Variants in RARB observed in about 807,000 individuals in gnomAD.
RARB encodes the protein HBV-activated protein.
RARB carries 17 observed loss-of-function variants against 51.9 expected under a neutral mutation model. The ratio of observed to expected loss-of-function variants is 0.33; its 90% confidence interval spans 0.22 to 0.49. The LOEUF is 0.49. Ranked by LOEUF, RARB falls within the 20% of genes least tolerant of loss-of-function variation. RARB has a pLI of 0.99. For missense variants in RARB, 369 were observed against 550.8 expected (o/e 0.67, Z 3.30); for synonymous variants, 215 against 195.4 (o/e 1.10, Z -0.84).
intron 5 of RARB, among the ~76,000 whole-genome samples, chr3:25,190,157 C>A (rs1701065478): frequency 6.6e-6 from 1 of 151,456 alleles, no homozygotes; most frequent in Non-Finnish European, 1.5e-5. Context: ...ATCATAGTAT[C>A]TAGAACTTTC....
intron 3 of RARB, among the ~76,000 whole-genome samples, chr3:25,114,417 T>C (rs1699652716): frequency 6.7e-6 from 1 of 148,834 alleles, no homozygotes; most frequent in Admixed American, 6.7e-5. Flanking sequence ...GCTCTGAAAG[T>C]ATCCTTGAGT....
chr3:25,409,940 CT>C (rs1476584748), intron 5 of RARB, among the ~76,000 whole-genome samples: 1 of 152,164 alleles, frequency 6.6e-6, no homozygotes, highest in Non-Finnish European at 1.5e-5. Context: ...AAGTTTTGTC[CT>C]AGACAAATCC....
chr3:24,923,139 T>G (rs1695253061), intron 2 of RARB, among the ~76,000 whole-genome samples: 1 of 152,176 alleles, frequency 6.6e-6, no homozygotes, highest in African/African-American at 2.4e-5. Context: ...TTTAGCACAT[T>G]ATTTTTCCAG....
At chr3:25,513,434 C>T (rs191516892) in intron 3 of RARB, among the ~76,000 whole-genome samples, 33 of 152,248 alleles carry the variant, frequency 2.2e-4, no homozygotes, top group Admixed American at 2.1e-3. Flanking sequence ...GATTTGAACA[C>T]GTGAACTTAA....
chr3:25,541,896 T>G (rs1007286196), intron 3 of RARB, among the ~76,000 whole-genome samples: 5 of 152,216 alleles, frequency 3.3e-5, no homozygotes, highest in African/African-American at 1.2e-4. Context: ...AACTCTGCTA[T>G]TCGTTTCGTG....
At chr3:24,879,384 G>C (rs780710434) in intron 2 of RARB, among the ~76,000 whole-genome samples, 2 of 150,720 alleles carry the variant, frequency 1.3e-5, no homozygotes, top group African/African-American at 4.9e-5. Flanking sequence ...AGGCGAGATC[G>C]CATCACTGCA....
intron 3 of RARB, among the ~76,000 whole-genome samples, chr3:25,553,052 A>G (rs542205416): frequency 1.3e-5 from 2 of 152,362 alleles, no homozygotes; most frequent in Admixed American, 6.5e-5. Flanking sequence ...CGGGCAAACT[A>G]TAATTCACTT....
At chr3:25,306,279 G>C (rs1347441079) in intron 5 of RARB, among the ~76,000 whole-genome samples, 1 of 152,174 alleles carries the variant, frequency 6.6e-6, no homozygotes. Context: ...GGATATAGGA[G>C]TTATTGGGTA....
chr3:25,505,279 A>C (rs1333705214), intron 3 of RARB, among the ~76,000 whole-genome samples: 2 of 152,176 alleles, frequency 1.3e-5, no homozygotes, highest in Non-Finnish European at 2.9e-5. Context: ...TTTGATGAGA[A>C]AGTCTATATT....
At chr3:24,847,342 A>G (rs1702497580) in intron 1 of RARB, among the ~76,000 whole-genome samples, 1 of 152,184 alleles carries the variant, frequency 6.6e-6, no homozygotes, top group Non-Finnish European at 1.5e-5. Context: ...CTCAGTTTCA[A>G]AATGCACTCC....
At chr3:25,242,149 A>G (rs1022072862) in intron 5 of RARB, among the ~76,000 whole-genome samples, 9 of 151,602 alleles carry the variant, frequency 5.9e-5, no homozygotes, top group African/African-American at 2.2e-4. Context: ...CCACTTTTCA[A>G]TGAGGTTTTT....
chr3:25,091,245 C>T (rs1003998562), intron 3 of RARB, among the ~76,000 whole-genome samples: 7 of 152,138 alleles, frequency 4.6e-5, no homozygotes, highest in Admixed American at 4.6e-4. Flanking sequence ...ATTGAATGTG[C>T]ACTGTGCTGT....
intron 3 of RARB, among the ~76,000 whole-genome samples, chr3:25,525,463 G>A (rs1044190230): frequency 2.0e-5 from 3 of 151,842 alleles, no homozygotes; most frequent in African/African-American, 7.3e-5. Flanking sequence ...TGTCTTCATA[G>A]ACCCCCCTCA....
At chr3:25,170,014 A>G (rs1484362259) in intron 4 of RARB, among the ~76,000 whole-genome samples, 3 of 100,764 alleles carry the variant, frequency 3.0e-5, no homozygotes, top group Admixed American at 1.7e-4. Context: ...AAAAAGAAAG[A>G]AAAAAAAAAA....
intron 5 of RARB, among the ~76,000 whole-genome samples, chr3:25,388,951 C>T (rs115173920): frequency 6.6e-6 from 1 of 152,128 alleles, no homozygotes; most frequent in African/African-American, 2.4e-5. Context: ...TGCCACTGAT[C>T]TGTTTCATTG....
At chr3:25,456,698 G>T (rs1341183958) in intron 1 of RARB, among the ~76,000 whole-genome samples, 20 of 146,974 alleles carry the variant, frequency 1.4e-4, no homozygotes, top group East Asian at 8.0e-4. Context: ...GAGAGAGAGA[G>T]AGAGAGAGAG....
At chr3:25,126,569 A>G (rs965072539) in intron 3 of RARB, among the ~76,000 whole-genome samples, 2 of 152,162 alleles carry the variant, frequency 1.3e-5, no homozygotes, top group African/African-American at 4.8e-5. Context: ...TTTCATGTGC[A>G]CATGAACAAA....
At chr3:24,874,906 A>G (rs1030068573) in intron 2 of RARB, among the ~76,000 whole-genome samples, 1 of 152,086 alleles carries the variant, frequency 6.6e-6, no homozygotes, top group South Asian at 2.1e-4. Context: ...ACTAAAAGTT[A>G]TACGCTCATT....
At chr3:25,350,899 T>C (rs1471375393) in intron 5 of RARB, among the ~76,000 whole-genome samples, 2 of 152,200 alleles carry the variant, frequency 1.3e-5, no homozygotes, top group Non-Finnish European at 2.9e-5. Context: ...CCAGTTCCCA[T>C]GGTGTCATTG....
Sources: gnomAD v4.1 joint callset for allele counts (sites outside exome capture counted in the v4.1 genomes callset) on GRCh38, gnomAD v4.1.1 for gene constraint, MANE v1.5 for transcripts, NCBI Gene and HGNC (gene_info 2026-07-23, HGNC 2026-07-21) for gene names.